Variants in SMAP1 observed in about 807,000 individuals in gnomAD.
The protein encoded by SMAP1 is small ArfGAP 1, also known as stromal membrane-associated protein 1.
In SMAP1, 24 loss-of-function variants were observed where a neutral mutation model predicts 58.5. The ratio of observed to expected loss-of-function variants is 0.41; its 90% CI spans 0.30 to 0.58. SMAP1 has a LOEUF of 0.58. Ranked by LOEUF, SMAP1 falls within the 20% of genes least tolerant of loss-of-function variation. The pLI, the probability that SMAP1 is intolerant of heterozygous loss-of-function variation, is 0.29. For missense variants in SMAP1, 563 were observed against 566.3 expected (o/e 0.99, Z 0.06); for synonymous variants, 216 against 196.6 (o/e 1.10, Z -0.82).
chr6:70,672,968 C>G (rs913302198), intron 1 of SMAP1, among the ~76,000 whole-genome samples: 1 of 151,904 alleles, frequency 6.6e-6, no homozygotes, highest in African/African-American at 2.4e-5. Flanking sequence ...TTGGTAGTCT[C>G]AGGTCAGAGG....
intron 6 of SMAP1, among the ~76,000 whole-genome samples, chr6:70,819,700 G>A (rs1039287529): frequency 2.6e-5 from 4 of 152,118 alleles, no homozygotes; most frequent in Admixed American, 1.3e-4. Flanking sequence ...AAAGGATACA[G>A]TTTTTAATTA....
chr6:70,733,004 T>C (rs757640079), intron 2 of SMAP1, among the ~76,000 whole-genome samples: 14 of 152,226 alleles, frequency 9.2e-5, no homozygotes, highest in Non-Finnish European at 1.9e-4. Flanking sequence ...TTAACTCTGC[T>C]AGAGGTAGAT....
chr6:70,798,290 A>G (rs544635214), intron 5 of SMAP1, among the ~76,000 whole-genome samples: 120 of 151,682 alleles, frequency 7.9e-4, no homozygotes, highest in African/African-American at 2.6e-3. Context: ...TTTCCATTCA[A>G]AATTCAACTT....
chr6:70,741,352 T>C (rs1765807361), intron 2 of SMAP1, among the ~76,000 whole-genome samples: 2 of 152,122 alleles, frequency 1.3e-5, no homozygotes, highest in African/African-American at 4.8e-5. Flanking sequence ...ATGGAGAAAT[T>C]GGCCAAAATG....
At chr6:70,852,723 C>A in intron 8 of SMAP1, 59 bp downstream of exon 8, 1 of 1,438,616 alleles carries the variant, frequency 7.0e-7, no homozygotes, top group South Asian at 1.6e-5. Flanking sequence ...TGAAAAGTTT[C>A]AAAATTTCAA....
intron 1 of SMAP1, among the ~76,000 whole-genome samples, chr6:70,700,655 G>C (rs1767591076): frequency 6.6e-6 from 1 of 152,190 alleles, no homozygotes; most frequent in South Asian, 2.1e-4. Context: ...AGTAACAGAA[G>C]AACGACCTAA....
chr6:70,768,908 A>G (rs1767134033), intron 3 of SMAP1, among the ~76,000 whole-genome samples: 1 of 151,422 alleles, frequency 6.6e-6, no homozygotes, highest in Non-Finnish European at 1.5e-5. Flanking sequence ...ATTTCCCTCT[A>G]CACACTGCTT....
At position 70,777,952 on chromosome 6, in the gene SMAP1, A is replaced by G. The variant is rs1767611619; in HGVS notation, c.414+4527A>G. Among the ~76,000 whole-genome samples the G allele has an allele frequency of 2.0e-5, 3 of 152,142 alleles. No homozygotes were observed. In the South Asian group the frequency reaches 6.2e-4, roughly 32 times the overall value. ...TTTTTGTTAGAGATGGGGTTTTGCC[A>G]CGTTGCCCAGGCTGGTCTCGAACTC... On this transcript the variant is annotated intron_variant, in intron 4 of 10. Transcript: ENST00000370455.
chr6:70,758,877 A>G (rs1766630073), intron 3 of SMAP1, among the ~76,000 whole-genome samples: 1 of 152,096 alleles, frequency 6.6e-6, no homozygotes, highest in Non-Finnish European at 1.5e-5. Context: ...CAGGAGGATT[A>G]AGAGTTAGAA....
chr6:70,676,056 GC>G (rs1479792358), intron 1 of SMAP1, among the ~76,000 whole-genome samples: 1 of 152,204 alleles, frequency 6.6e-6, no homozygotes, highest in Non-Finnish European at 1.5e-5. Flanking sequence ...TGTGGTCACA[GC>G]TCACTGCTGG....
intron 1 of SMAP1, among the ~76,000 whole-genome samples, chr6:70,684,445 G>T (rs1766851157): frequency 6.6e-6 from 1 of 152,078 alleles, no homozygotes; most frequent in Non-Finnish European, 1.5e-5. Context: ...TATAGATTTG[G>T]CAAGGGATAA....
At chr6:70,687,374 G>T (rs975285713) in intron 1 of SMAP1, among the ~76,000 whole-genome samples, 11 of 152,040 alleles carry the variant, frequency 7.2e-5, no homozygotes, top group African/African-American at 2.7e-4. Context: ...TAGGATTTTA[G>T]GTTATTAAGA....
intron 2 of SMAP1, among the ~76,000 whole-genome samples, chr6:70,749,463 A>G (rs1433797048): frequency 6.6e-6 from 1 of 152,208 alleles, no homozygotes; most frequent in Non-Finnish European, 1.5e-5. Flanking sequence ...TCTGTTAAAC[A>G]TTGATATTTA....
chr6:70,710,042 T>G (rs1167014180), intron 1 of SMAP1, among the ~76,000 whole-genome samples: 1 of 152,120 alleles, frequency 6.6e-6, no homozygotes, highest in African/African-American at 2.4e-5. Context: ...AAACTAGCTG[T>G]CTCTGTGTCT....
chr6:70,756,555 A>G (rs1214091546), intron 3 of SMAP1, among the ~76,000 whole-genome samples: 2 of 152,132 alleles, frequency 1.3e-5, no homozygotes, highest in Admixed American at 6.6e-5. Flanking sequence ...ATGAGAGAAC[A>G]TGACCTTTTA....
At chr6:70,724,418 A>T (rs1768673729) in intron 1 of SMAP1, among the ~76,000 whole-genome samples, 1 of 151,672 alleles carries the variant, frequency 6.6e-6, no homozygotes, top group Non-Finnish European at 1.5e-5. Flanking sequence ...CTGGTCTTGA[A>T]CTCCTGACCT....
intron 1 of SMAP1, among the ~76,000 whole-genome samples, chr6:70,713,431 T>C (rs552493786): frequency 1.3e-5 from 2 of 152,294 alleles, no homozygotes; most frequent in African/African-American, 4.8e-5. Context: ...TTTTGCTGTA[T>C]CACGTAAGTT....
In SMAP1 at chr6:70,668,010, GC is replaced by G; in HGVS notation, c.-10del. ...CCGCCGTAGCTGCCCCAGGCTCCCC[GC>G]CCCGCTGCCGAGATGGCGACGCGCT... On this transcript the variant is annotated 5_prime_UTR_variant, in exon 1 of 11. Coordinates refer to ENST00000370455, the MANE Select transcript of SMAP1 (RefSeq NM_001044305.3). 6.3e-7 allele frequency: 1 copy of G among 1,576,932 alleles called. No homozygotes were observed. Among genetic ancestry groups the G allele is most frequent in the Non-Finnish European group, 8.6e-7 (1 of 1,163,462 alleles).
intron 1 of SMAP1, among the ~76,000 whole-genome samples, chr6:70,685,900 TTTA>T (rs1766916372): frequency 6.6e-6 from 1 of 151,954 alleles, no homozygotes; most frequent in East Asian, 1.9e-4. Flanking sequence ...TTTTAATTTT[TTTA>T]TTATTTTATT....
Sources: gnomAD v4.1 joint callset for allele counts (sites outside exome capture counted in the v4.1 genomes callset) on GRCh38, gnomAD v4.1.1 for gene constraint, MANE v1.5 for transcripts, NCBI Gene and HGNC (gene_info 2026-07-23, HGNC 2026-07-21) for gene names.